Variants in GRID2 observed in about 807,000 individuals in gnomAD.
GRID2 encodes the protein glutamate receptor ionotropic, delta-2.
In GRID2, 33 loss-of-function variants were observed where a neutral mutation model predicts 114.8. That is an observed-to-expected ratio of 0.29 (90% CI 0.22 to 0.38). The LOEUF is 0.38. Ranked by LOEUF, GRID2 falls within the 10% of genes least tolerant of loss-of-function variation. The pLI, the probability that GRID2 is intolerant of heterozygous loss-of-function variation, is 1.00. For missense variants in GRID2, 1,184 were observed against 1,257.7 expected, an observed-to-expected ratio of 0.94 and a Z score of 0.89; for synonymous variants, 505 against 449.9, an observed-to-expected ratio of 1.12 and a Z score of -1.55.
chr4:92,882,963 G>A (rs1389139557), intron 2 of GRID2, among the ~76,000 whole-genome samples: 1 of 152,120 alleles, frequency 6.6e-6, no homozygotes, highest in Non-Finnish European at 1.5e-5. Context: ...GGGTGGCTGT[G>A]GCAATTTCTT....
chr4:93,633,302 G>A (rs1721105870), intron 14 of GRID2, among the ~76,000 whole-genome samples: 1 of 150,874 alleles, frequency 6.6e-6, no homozygotes, highest in Non-Finnish European at 1.5e-5. Flanking sequence ...GCTTTACTTT[G>A]TATTTTTACA....
intron 2 of GRID2, among the ~76,000 whole-genome samples, chr4:93,052,455 G>C (rs1355291004): frequency 2.0e-5 from 3 of 151,820 alleles, no homozygotes; most frequent in Non-Finnish European, 4.4e-5. Flanking sequence ...TTATTGCCAG[G>C]GTTATATGGT....
At chr4:93,099,107 A>C (rs982304392) in intron 3 of GRID2, among the ~76,000 whole-genome samples, 2 of 151,082 alleles carry the variant, frequency 1.3e-5, no homozygotes, top group Non-Finnish European at 3.0e-5. Context: ...AAACCAAATA[A>C]TTTGGTCAAG....
At chr4:92,690,514 G>C (rs1354614461) in intron 2 of GRID2, among the ~76,000 whole-genome samples, 1 of 152,136 alleles carries the variant, frequency 6.6e-6, no homozygotes, top group Non-Finnish European at 1.5e-5. Context: ...TATCTCAAGA[G>C]TTACCAAAAT....
intron 2 of GRID2, among the ~76,000 whole-genome samples, chr4:92,710,198 G>A (rs1435885243): frequency 1.3e-5 from 2 of 151,946 alleles, no homozygotes; most frequent in Non-Finnish European, 2.9e-5. Flanking sequence ...TAGATTTCCA[G>A]CCACTTCAAT....
At chr4:92,644,247 T>C (rs1489987809) in intron 2 of GRID2, among the ~76,000 whole-genome samples, 1 of 151,844 alleles carries the variant, frequency 6.6e-6, no homozygotes, top group East Asian at 1.9e-4. Flanking sequence ...AAGGAAATTA[T>C]ATTTTATTAA....
intron 2 of GRID2, among the ~76,000 whole-genome samples, chr4:92,693,967 AG>A (rs1224971242): frequency 6.6e-6 from 1 of 152,142 alleles, no homozygotes; most frequent in Non-Finnish European, 1.5e-5. Flanking sequence ...TTAAGAAATA[AG>A]GGAGAGGTAA....
intron 2 of GRID2, among the ~76,000 whole-genome samples, chr4:92,870,830 T>C (rs1478826390): frequency 6.6e-6 from 1 of 152,016 alleles, no homozygotes; most frequent in Non-Finnish European, 1.5e-5. Flanking sequence ...ATGGCAAAGG[T>C]GTGTGTGTGT....
chr4:92,559,820 A>G (rs938081500), intron 1 of GRID2, among the ~76,000 whole-genome samples: 3 of 152,184 alleles, frequency 2.0e-5, no homozygotes, highest in Non-Finnish European at 4.4e-5. Flanking sequence ...GTTACTGAAC[A>G]CTGAGACCAA....
chr4:93,467,640 A>G (rs1724420304), intron 11 of GRID2, among the ~76,000 whole-genome samples: 1 of 152,194 alleles, frequency 6.6e-6, no homozygotes, highest in African/African-American at 2.4e-5. Flanking sequence ...TAAAGGGTTA[A>G]GGCCACTTAG....
chr4:92,440,686 G>A lies in GRID2; in HGVS notation c.88+135942G>A, dbSNP rs1043099866. On this transcript the variant is annotated intron_variant, in intron 1 of 15. Coordinates refer to ENST00000282020, the MANE Select transcript of GRID2 (RefSeq NM_001510.4). ...TATAGCATAACCTGCCTTTGCTGGT[G>A]TGTGGTGATTAGGCCTGGTGGAACC... Among the ~76,000 whole-genome samples, 22 of 152,144 alleles carry A rather than the reference G, an allele frequency of 1.4e-4. 1 individual carries two copies. The East Asian group carries it at 1.7e-3, about 12-fold the overall frequency.
chr4:92,949,444 A>T (rs544922545), intron 2 of GRID2, among the ~76,000 whole-genome samples: 4 of 152,020 alleles, frequency 2.6e-5, no homozygotes, highest in Non-Finnish European at 5.9e-5. Flanking sequence ...CATATCTCCA[A>T]AATGGAAAGC....
chr4:93,366,670 T>G (rs1762367834), intron 8 of GRID2, among the ~76,000 whole-genome samples: 1 of 151,952 alleles, frequency 6.6e-6, no homozygotes, highest in Admixed American at 6.6e-5. Flanking sequence ...TAATAAAAAC[T>G]TACTGGTTTT....
intron 4 of GRID2, among the ~76,000 whole-genome samples, chr4:93,138,391 C>A (rs1735464467): frequency 6.6e-6 from 1 of 152,080 alleles, no homozygotes; most frequent in Non-Finnish European, 1.5e-5. Flanking sequence ...CCCTTGTGCT[C>A]TATTACTTAT....
intron 2 of GRID2, among the ~76,000 whole-genome samples, chr4:92,682,677 G>T (rs1479223552): frequency 8.1e-6 from 1 of 122,974 alleles, no homozygotes; most frequent in African/African-American, 3.2e-5. Flanking sequence ...TATTAAAATC[G>T]CAGGGCACAC....
In GRID2 at chr4:92,317,343, C is replaced by A. The variant is rs548201879; in HGVS notation, c.88+12599C>A. Among the ~76,000 whole-genome samples the A allele has an allele frequency of 9.9e-5, 15 of 152,218 alleles. No individual in the cohort carries two copies. The East Asian group carries it at 2.9e-3, about 29-fold the overall frequency. On this transcript the variant is annotated intron_variant, in intron 1 of 15. Transcript: ENST00000282020. ...TAAAGTTTCTTTACAAGTGGCATAACTATTATTAGGAAAACATATTTATAT... is the reference window on the plus strand; with the variant it reads ...TAAAGTTTCTTTACAAGTGGCATAAATATTATTAGGAAAACATATTTATAT...
At chr4:92,882,648 TG>T (rs1039279362) in intron 2 of GRID2, among the ~76,000 whole-genome samples, 26 of 152,186 alleles carry the variant, frequency 1.7e-4, no homozygotes, top group African/African-American at 5.8e-4. Flanking sequence ...TCAGAGATAC[TG>T]TGGCTTCAGT....
chr4:93,320,799 C>T (rs566169031), intron 8 of GRID2, among the ~76,000 whole-genome samples: 1 of 152,002 alleles, frequency 6.6e-6, no homozygotes, highest in South Asian at 2.1e-4. Context: ...GAAATTTATG[C>T]CATATTATTT....
At chr4:92,753,633 A>G (rs949158531) in intron 2 of GRID2, among the ~76,000 whole-genome samples, 7 of 152,166 alleles carry the variant, frequency 4.6e-5, no homozygotes, top group South Asian at 4.1e-4. Context: ...TTTAATTTCT[A>G]TACTTCAAAA....
Sources: gnomAD v4.1 joint callset for allele counts (sites outside exome capture counted in the v4.1 genomes callset) on GRCh38, gnomAD v4.1.1 for gene constraint, MANE v1.5 for transcripts, NCBI Gene and HGNC (gene_info 2026-07-23, HGNC 2026-07-21) for gene names.